Variants in PCDHGB1 observed in about 807,000 individuals in gnomAD.
PCDHGB1 encodes protocadherin gamma-B1.
A neutral mutation model predicts 56.6 loss-of-function variants in PCDHGB1; 34 were observed. The observed-to-expected ratio is 0.60, with a 90% CI of 0.46 to 0.80. The LOEUF (loss-of-function observed/expected upper bound fraction) is 0.80. PCDHGB1 is among the 30% of genes least tolerant of loss of function. PCDHGB1 has a pLI of 0.00. For missense variants in PCDHGB1, 1,278 were observed against 1,204.6 expected (o/e 1.06, Z -0.90); for synonymous variants, 561 against 505.9 (o/e 1.11, Z -1.46).
chr5:141,352,078 G>C lies in PCDHGB1; in HGVS notation c.1818G>C (p.Gln606His). ...HNAWLSYHVL[Q>H]ASEPGLFSLG... ...CTTGGCTGTCCTACCACGTGCTGCA[G>C]GCCAGCGAGCCCGGGCTCTTCAGCC... Residue 606 changes from glutamine (Q) to histidine (H), a missense_variant, in exon 1 of 4, where the codon CAG becomes CAC. Physicochemically the swap from Gln to His is conservative, Grantham distance 24 (BLOSUM62 0). Transcript: ENST00000523390. 6.2e-7 allele frequency: 1 copy of C among 1,605,160 alleles called. No homozygotes were observed. The highest frequency in any genetic ancestry group is 8.5e-7 in the Non-Finnish European group (1 of 1,176,696).
At chr5:141,463,808 T>C (rs1018369312) in intron 1 of PCDHGB1, among the ~76,000 whole-genome samples, 2 of 152,196 alleles carry the variant, frequency 1.3e-5, no homozygotes, top group African/African-American at 4.8e-5. Flanking sequence ...CTAAAAGCTT[T>C]TATCACACAT....
intron 1 of PCDHGB1, chr5:141,355,301 C>A (rs1426106263): frequency 2.5e-6 from 4 of 1,613,904 alleles, no homozygotes; most frequent in Middle Eastern, 1.7e-4. Context: ...ATTCTCTACT[C>A]GGTGTTTGAG....
rs756252337 is a variant in PCDHGB1, at chr5:141,413,183, C to T, written c.2409+60514C>T. The T allele has an allele frequency of 3.7e-6, 6 of 1,605,222 alleles. No individual in the cohort carries two copies. The Admixed American group carries it at 1.0e-4, about 27-fold the overall frequency. Reference sequence around the variant, plus strand: ...TTCTGTAACCAGACTACAATGGCCGCTCAAAGGAATCGCTCAAAGGAATCA... The same window carrying T: ...TTCTGTAACCAGACTACAATGGCCGTTCAAAGGAATCGCTCAAAGGAATCA... On this transcript the variant is annotated intron_variant, in intron 1 of 3. Transcript: ENST00000523390.
Position 141,385,136 on chromosome 5 carries a change from T to C in PCDHGB1, c.2409+32467T>C, listed in dbSNP as rs760226388. The C allele has an allele frequency of 1.2e-6, 2 of 1,614,180 alleles. No individual in the cohort carries two copies. Among genetic ancestry groups the C allele is most frequent in the Middle Eastern group, 1.6e-4 (1 of 6,062 alleles). ...TCGCACTTTGTGGGCATGGACGGGG[T>C]GCAGGCTTTCCTGCAGACCTATTCC... On this transcript the variant is annotated intron_variant, in intron 1 of 3. Transcript: ENST00000523390.
intron 1 of PCDHGB1, chr5:141,426,887 G>C (rs1309180455): frequency 6.6e-6 from 3 of 456,646 alleles, no homozygotes; most frequent in South Asian, 4.6e-5. Context: ...TGGGCCAGGA[G>C]CAACAGAGCT....
At chr5:141,385,423 A>G in intron 1 of PCDHGB1, 4 of 1,462,490 alleles carry the variant, frequency 2.7e-6, no homozygotes, top group Non-Finnish European at 3.6e-6. Context: ...GATTTAAAAA[A>G]CTTTATAGAG....
At position 141,491,724 on chromosome 5, in the gene PCDHGB1, G is replaced by A; in HGVS notation, c.2410-3083G>A. ...AGGTGAGGGGCTCGGCGCCGCCCCGGGCGACCCCTGGGGGCGGCACTGGAG... is the reference window on the plus strand; with the variant it reads ...AGGTGAGGGGCTCGGCGCCGCCCCGAGCGACCCCTGGGGGCGGCACTGGAG... On this transcript the variant is annotated intron_variant, in intron 1 of 3. Coordinates refer to ENST00000523390, the MANE Select transcript of PCDHGB1 (RefSeq NM_018922.3). This position sits in a 1 kb window ranked among gnomAD's most constrained non-coding sequence, Gnocchi z 6.9. 1 of 1,606,454 alleles carries A rather than the reference G, an allele frequency of 6.2e-7. No individual in the cohort carries two copies. The highest frequency in any genetic ancestry group is 1.1e-5 in the South Asian group (1 of 90,304).
At chr5:141,371,827 A>AT (rs1561552791) in intron 1 of PCDHGB1, 3 of 1,613,784 alleles carry the variant, frequency 1.9e-6, no homozygotes, top group Admixed American at 3.3e-5. Context: ...AGAGCCTCGG[A>AT]TCCCGACTTG....
intron 1 of PCDHGB1, among the ~76,000 whole-genome samples, chr5:141,447,644 G>A (rs1212910845): frequency 1.3e-5 from 2 of 152,146 alleles, no homozygotes; most frequent in Admixed American, 1.3e-4. Context: ...AATGATGGTA[G>A]AATTTTCCCC....
chr5:141,494,556 T>C (rs909822734), intron 1 of PCDHGB1, among the ~76,000 whole-genome samples: 18 of 152,120 alleles, frequency 1.2e-4, no homozygotes, highest in African/African-American at 4.3e-4. Context: ...GCCATTTCTT[T>C]AGGAAAGGAG....
intron 1 of PCDHGB1, chr5:141,387,677 C>A (rs1256771366): frequency 1.8e-5 from 13 of 740,970 alleles, no homozygotes; most frequent in South Asian, 4.0e-5. Context: ...GATCTCCTCG[C>A]GCAGCCGCAG....
intron 1 of PCDHGB1, chr5:141,376,482 C>T (rs768933228): frequency 4.3e-6 from 7 of 1,614,148 alleles, no homozygotes; most frequent in South Asian, 1.1e-5. Context: ...TTACTTGAAA[C>T]GAAAGGAGAA....
intron 1 of PCDHGB1, chr5:141,360,051 G>A (rs1443200374): frequency 2.1e-6 from 3 of 1,435,510 alleles, no homozygotes; most frequent in Admixed American, 5.6e-5. Context: ...GAAAACAAAA[G>A]CAGGAAAAGT....
intron 1 of PCDHGB1, chr5:141,404,898 A>G (rs760424169): frequency 1.9e-6 from 3 of 1,613,714 alleles, no homozygotes; most frequent in Non-Finnish European, 2.5e-6. Context: ...GTACAGGACC[A>G]TGGCCAGCCC....
chr5:141,375,766 G>A, intron 1 of PCDHGB1: 2 of 1,614,270 alleles, frequency 1.2e-6, no homozygotes, highest in Non-Finnish European at 1.7e-6. Flanking sequence ...ATGCGCCCGA[G>A]ATCCTGTACC....
chr5:141,483,660 G>GTCTGTA (rs2099584988), intron 1 of PCDHGB1, among the ~76,000 whole-genome samples: 1 of 152,094 alleles, frequency 6.6e-6, no homozygotes, highest in Non-Finnish European at 1.5e-5. Context: ...GTGTGTGTGT[G>GTCTGTA]TGTGTGTGTA....
At chr5:141,358,796 A>T (rs2149804071) in intron 1 of PCDHGB1, among the ~76,000 whole-genome samples, 1 of 152,278 alleles carries the variant, frequency 6.6e-6, no homozygotes, top group South Asian at 2.1e-4. Flanking sequence ...TGGGTTCTGG[A>T]CTGATATGAT....
intron 1 of PCDHGB1, among the ~76,000 whole-genome samples, chr5:141,373,204 A>G (rs1769394897): frequency 6.6e-6 from 1 of 152,216 alleles, no homozygotes; most frequent in South Asian, 2.1e-4. Context: ...ATATCTTAAC[A>G]CATTTTTAAT....
rs1172761775 is a variant in PCDHGB1 at position 141,350,579 on chromosome 5, G to C, written c.319G>C (p.Ala107Pro). ...GTGTGCACTAGAATTCGAAACGGTC[G>C]CTGAAAACCCAATGAATGTTTTCCA... The part of the protein sequence containing the change: ...LECALEFETV[A>P]ENPMNVFHVV... The change falls in exon 1 of 4, where the codon GCT becomes CCT. Residue 107 changes from alanine (A) to proline (P), a missense_variant. Transcript: ENST00000523390. 4 of 1,613,906 alleles carry C rather than the reference G, an allele frequency of 2.5e-6. No individual in the cohort carries two copies. The highest frequency in any genetic ancestry group is 2.2e-5 in the South Asian group (2 of 91,092).
Sources: allele counts gnomAD v4.1 joint callset (sites outside exome capture counted in the v4.1 genomes callset), GRCh38; gene constraint gnomAD v4.1.1; non-coding constraint Gnocchi (gnomAD v3.1); transcripts MANE v1.5; gene names NCBI Gene and HGNC (gene_info 2026-07-23, HGNC 2026-07-21).